The following HOOK3 variants were observed in gnomAD, a reference collection of about 807,000 sequenced individuals.
HOOK3 encodes the protein protein Hook homolog 3.
In HOOK3, 24 loss-of-function variants were observed where a neutral mutation model predicts 116.3. That is an observed-to-expected ratio of 0.21 (90% confidence interval 0.15 to 0.29). The LOEUF is 0.29. Ranked by LOEUF, HOOK3 falls within the 10% of genes least tolerant of loss-of-function variation. HOOK3 has a pLI of 1.00. For synonymous variants in HOOK3, 275 were observed against 283.0 expected (o/e 0.97, Z 0.28); for missense variants, 632 against 830.2 (o/e 0.76, Z 2.93).
intron 14 of HOOK3, among the ~76,000 whole-genome samples, chr8:42,984,686 G>C (rs1186871871): frequency 6.6e-6 from 1 of 152,138 alleles, no homozygotes; most frequent in Admixed American, 6.5e-5. Context: ...CGGATCACTT[G>C]AGGCCAGGAG....
At chr8:42,999,905 G>C (rs565093213) in intron 16 of HOOK3, among the ~76,000 whole-genome samples, 1 of 152,220 alleles carries the variant, frequency 6.6e-6, no homozygotes, top group South Asian at 2.1e-4. Context: ...CTAGCACTTT[G>C]GGAGGCCGAG....
At chr8:42,958,798 C>T (rs1413471059) in intron 7 of HOOK3, among the ~76,000 whole-genome samples, 2 of 151,670 alleles carry the variant, frequency 1.3e-5, no homozygotes, top group Non-Finnish European at 2.9e-5. Flanking sequence ...GACTCTCCTT[C>T]CCCCACCCCC....
intron 9 of HOOK3, among the ~76,000 whole-genome samples, chr8:42,964,813 C>T (rs552906386): frequency 8.0e-5 from 12 of 149,922 alleles, no homozygotes; most frequent in South Asian, 4.2e-4. Context: ...GGCAACAGAA[C>T]GCGACTTTGT....
At chr8:42,904,658 T>G (rs1333490029) in intron 1 of HOOK3, among the ~76,000 whole-genome samples, 1 of 152,142 alleles carries the variant, frequency 6.6e-6, no homozygotes, top group Non-Finnish European at 1.5e-5. Context: ...CTCCCCTGGT[T>G]CAAATCCTTT....
intron 16 of HOOK3, 48 bp from the exon 17 acceptor site, chr8:43,002,059 T>G (rs1478447349): frequency 8.3e-7 from 1 of 1,205,990 alleles, no homozygotes; most frequent in Non-Finnish European, 1.2e-6. Flanking sequence ...AAAATACTAT[T>G]TTAGTTAAAA....
At chr8:43,013,472 T>C in intron 21 of HOOK3, 72 bp downstream of exon 21, 1 of 1,226,532 alleles carries the variant, frequency 8.2e-7, no homozygotes, top group East Asian at 2.5e-5. Flanking sequence ...TTCCCTTTAC[T>C]GTAGAAGTCA....
At chr8:42,976,319 A>G (rs1808827981) in intron 13 of HOOK3, among the ~76,000 whole-genome samples, 1 of 151,904 alleles carries the variant, frequency 6.6e-6, no homozygotes, top group Admixed American at 6.6e-5. Context: ...CAGCCTGGGC[A>G]ACATAGCAAG....
intron 1 of HOOK3, among the ~76,000 whole-genome samples, chr8:42,901,094 A>G (rs1256858857): frequency 6.6e-6 from 1 of 152,224 alleles, no homozygotes; most frequent in Non-Finnish European, 1.5e-5. Context: ...CAGCTAGATG[A>G]CAATAGCACC....
intron 21 of HOOK3, among the ~76,000 whole-genome samples, chr8:43,014,055 A>G (rs1261250414): frequency 1.3e-5 from 2 of 152,090 alleles, no homozygotes; most frequent in African/African-American, 4.8e-5. Flanking sequence ...TTGGGAGGCC[A>G]GGTGGGCGGA....
intron 13 of HOOK3, among the ~76,000 whole-genome samples, chr8:42,981,342 C>A (rs924442163): frequency 6.6e-6 from 1 of 152,000 alleles, no homozygotes; most frequent in East Asian, 1.9e-4. Context: ...CATGAGCCAC[C>A]ACACCCAGCC....
At chr8:42,927,679 A>C (rs1807795633) in intron 3 of HOOK3, among the ~76,000 whole-genome samples, 1 of 151,870 alleles carries the variant, frequency 6.6e-6, no homozygotes, top group South Asian at 2.1e-4. Context: ...GTCTCAGCTC[A>C]CTGCAACCTC....
At chr8:42,992,657 A>G (rs1216869679) in intron 15 of HOOK3, among the ~76,000 whole-genome samples, 1 of 143,756 alleles carries the variant, frequency 7.0e-6, no homozygotes, top group Non-Finnish European at 1.5e-5. Flanking sequence ...TGGAGGTTGT[A>G]GTGAGCTGAG....
intron 5 of HOOK3, among the ~76,000 whole-genome samples, chr8:42,946,313 AT>A (rs1808224571): frequency 2.0e-5 from 3 of 152,182 alleles, no homozygotes; most frequent in African/African-American, 7.2e-5. Context: ...AAGCAAAGCT[AT>A]GGAAGACAAT....
intron 2 of HOOK3, among the ~76,000 whole-genome samples, chr8:42,919,267 G>GAT (rs1807599963): frequency 2.0e-5 from 3 of 150,670 alleles, no homozygotes; most frequent in East Asian, 2.0e-4. Context: ...CTTCTCAGAC[G>GAT]GGGCGGCCAG....
chr8:42,991,668 C>T (rs994568743), intron 15 of HOOK3, among the ~76,000 whole-genome samples: 1 of 152,132 alleles, frequency 6.6e-6, no homozygotes, highest in East Asian at 1.9e-4. Flanking sequence ...TCCCAAAGTG[C>T]TGGGATTACA....
chr8:43,013,220 A>T (rs1047507336), intron 20 of HOOK3, 65 bp downstream of exon 20: 1 of 1,425,172 alleles, frequency 7.0e-7, no homozygotes, highest in Non-Finnish European at 9.6e-7. Context: ...GAGCCTTGTT[A>T]TATTTTACAA....
At chr8:42,996,056 C>T (rs1454651422) in intron 15 of HOOK3, among the ~76,000 whole-genome samples, 2 of 152,090 alleles carry the variant, frequency 1.3e-5, no homozygotes, top group African/African-American at 4.8e-5. Context: ...AAGCTGGTCT[C>T]CTGAATGTTG....
chr8:42,902,826 T>G (rs1807218202), intron 1 of HOOK3, among the ~76,000 whole-genome samples: 1 of 152,196 alleles, frequency 6.6e-6, no homozygotes, highest in African/African-American at 2.4e-5. Context: ...CAAAGTGGCG[T>G]CCACTGAGGG....
intron 13 of HOOK3, 130 bp from the exon 14 acceptor site, chr8:42,982,497 C>G (rs1192954002): frequency 1.1e-5 from 7 of 627,192 alleles, no homozygotes; most frequent in Non-Finnish European, 1.7e-5. Context: ...ATTTTAAGAC[C>G]ACTGTGACGT....
Sources: allele counts gnomAD v4.1 joint callset (sites outside exome capture counted in the v4.1 genomes callset), GRCh38; gene constraint gnomAD v4.1.1; transcripts MANE v1.5; gene names NCBI Gene and HGNC (gene_info 2026-07-23, HGNC 2026-07-21).